The following SH3GL1 variants were observed in gnomAD, a reference collection of about 807,000 sequenced individuals.
SH3GL1 encodes SH3 domain containing GRB2 like 1, endophilin A2.
A neutral mutation model predicts 48.8 loss-of-function variants in SH3GL1; 21 were observed. That is an observed-to-expected ratio of 0.43 (90% CI 0.30 to 0.62). SH3GL1 has a LOEUF of 0.62. Among genes scored for constraint, SH3GL1 ranks in the 20% least tolerant of loss-of-function variants. The pLI is 0.11. For synonymous variants in SH3GL1, 282 were observed against 217.5 expected (o/e 1.30, Z -2.61); for missense variants, 454 against 503.0 (o/e 0.90, Z 0.93).
rs370849905 is a variant in SH3GL1, at chr19:4,361,507, C to T, written c.*93G>A. 313 of 1,020,844 alleles carry T rather than the reference C, an allele frequency of 3.1e-4. No individual in the cohort carries two copies. In the East Asian group the frequency reaches 6.0e-3, roughly 19 times the overall value. The allele number at this position is 1,020,844 out of a possible 1,614,324, so 63.2% of individuals were successfully genotyped here. On this transcript the variant is annotated 3_prime_UTR_variant, in exon 10 of 10. Transcript: ENST00000269886. ...AGGTGGCGCCGGCAGGCTCAGACAC[C>T]GCCCTGGCAGCAGGGGCTCCGTGGA...
At chr19:4,363,553 G>A in intron 6 of SH3GL1, 80 bp from the exon 7 acceptor site, 3 of 1,478,308 alleles carry the variant, frequency 2.0e-6, no homozygotes, top group South Asian at 1.1e-5. Context: ...TGAAGCCACA[G>A]GAGGCAAGGG....
intron 1 of SH3GL1, among the ~76,000 whole-genome samples, chr19:4,381,319 T>C (rs1420232582): frequency 9.6e-6 from 1 of 104,622 alleles, no homozygotes; most frequent in Non-Finnish European, 1.9e-5. Flanking sequence ...TGTCCCCCTA[T>C]GTCTCCCGTC....
chr19:4,362,284 C>T, intron 9 of SH3GL1, 45 bp downstream of exon 9: 1 of 1,586,296 alleles, frequency 6.3e-7, no homozygotes, highest in Non-Finnish European at 8.6e-7. Flanking sequence ...CCCCGAATGG[C>T]CGAGAAGGCA....
chr19:4,364,346 A>G lies in SH3GL1; in HGVS notation c.332-125T>C. 3 of 1,257,012 alleles carry G rather than the reference A, an allele frequency of 2.4e-6. No homozygotes were observed. The South Asian group carries it at 4.0e-5, about 17-fold the overall frequency. 77.9% of individuals were successfully genotyped at this position (1,257,012 alleles called of 1,614,324 possible). On this transcript the variant is annotated intron_variant, in intron 4 of 9. Coordinates refer to ENST00000269886, the MANE Select transcript of SH3GL1 (RefSeq NM_003025.4). ...GAACGCAGTGGCGCTGTACCAGCTC[A>G]CTGCAGGCCTCAAACTGGGCTCAAG...
chr19:4,369,349 T>C (rs1599597981), intron 1 of SH3GL1, among the ~76,000 whole-genome samples: 2 of 152,334 alleles, frequency 1.3e-5, no homozygotes, highest in Non-Finnish European at 1.5e-5. Context: ...GAGTGGCTGA[T>C]GTGAGACTGG....
At chr19:4,379,633 C>T (rs375846333) in intron 1 of SH3GL1, among the ~76,000 whole-genome samples, 28 of 152,196 alleles carry the variant, frequency 1.8e-4, no homozygotes, top group Middle Eastern at 3.4e-3. Flanking sequence ...CTTGGCACAG[C>T]TGCCCATCCT....
chr19:4,369,252 C>T (rs1972847243), intron 1 of SH3GL1, among the ~76,000 whole-genome samples: 1 of 152,158 alleles, frequency 6.6e-6, no homozygotes, highest in African/African-American at 2.4e-5. Context: ...TTGGGGCGTT[C>T]CACTCTATTT....
intron 1 of SH3GL1, among the ~76,000 whole-genome samples, chr19:4,371,893 C>T (rs2144880515): frequency 6.6e-6 from 1 of 152,380 alleles, no homozygotes; most frequent in Non-Finnish European, 1.5e-5. Flanking sequence ...CCACAGGGGC[C>T]TCGCCCAGTG....
intron 7 of SH3GL1, among the ~76,000 whole-genome samples, chr19:4,363,043 C>T (rs940944771): frequency 2.0e-5 from 3 of 152,180 alleles, no homozygotes; most frequent in African/African-American, 7.2e-5. Flanking sequence ...ACGGACGGCG[C>T]CCCACATACG....
chr19:4,386,501 C>CT (rs960946256), intron 1 of SH3GL1, among the ~76,000 whole-genome samples: 1,863 of 130,772 alleles, frequency 0.014, 21 homozygotes, highest in East Asian at 0.018. Flanking sequence ...TTCTTTTTCA[C>CT]TTTTTTTTTT....
intron 1 of SH3GL1, among the ~76,000 whole-genome samples, chr19:4,369,087 GA>G (rs928313337): frequency 3.6e-4 from 54 of 149,288 alleles, no homozygotes; most frequent in Admixed American, 2.3e-3. Flanking sequence ...AAAGAAGAAA[GA>G]AAAAAAAAAT....
rs375988096 is a variant in SH3GL1 at position 4,389,783 on chromosome 19, C to G, written c.45+10541G>C. On this transcript the variant is annotated intron_variant, in intron 1 of 9. Coordinates refer to ENST00000269886, the MANE Select transcript of SH3GL1 (RefSeq NM_003025.4). The surrounding 1 kb of genome is among the most constrained non-coding windows in gnomAD (Gnocchi z 4.5). Reference sequence around the variant, plus strand: ...GGGGATGCAGCAATGAGCACAAATGCCTGGCTCCGGCGGCAATGGGCTCAT... The same window carrying G: ...GGGGATGCAGCAATGAGCACAAATGGCTGGCTCCGGCGGCAATGGGCTCAT... 1.3e-5 allele frequency among the ~76,000 whole-genome samples: 2 copies of G among 152,198 alleles called. No homozygotes were observed. The highest frequency in any genetic ancestry group is 3.8e-4 in the East Asian group (2 of 5,198).
chr19:4,379,246 G>A (rs1599607812), intron 1 of SH3GL1, among the ~76,000 whole-genome samples: 1 of 151,908 alleles, frequency 6.6e-6, no homozygotes, highest in Non-Finnish European at 1.5e-5. Context: ...CTGAGATTGG[G>A]AGTTCAAGAC....
At chr19:4,381,554 C>A (rs1163041446) in intron 1 of SH3GL1, among the ~76,000 whole-genome samples, 1 of 84,984 alleles carries the variant, frequency 1.2e-5, no homozygotes, top group African/African-American at 4.8e-5. Flanking sequence ...CGTCTCTGTC[C>A]CCCTGCCTCT....
chr19:4,372,482 A>G (rs1294460901), intron 1 of SH3GL1, among the ~76,000 whole-genome samples: 3 of 152,228 alleles, frequency 2.0e-5, no homozygotes, highest in Non-Finnish European at 4.4e-5. Context: ...CCTCTGTGCA[A>G]AACAGCTGGA....
intron 1 of SH3GL1, chr19:4,390,331 A>T (rs1035805849): frequency 2.6e-5 from 4 of 152,494 alleles, no homozygotes; most frequent in African/African-American, 9.7e-5. Flanking sequence ...GTGCTCAGGA[A>T]AAGTGCTTGC....
chr19:4,396,796 G>A (rs921926618), intron 1 of SH3GL1, among the ~76,000 whole-genome samples: 1 of 152,176 alleles, frequency 6.6e-6, no homozygotes, highest in African/African-American at 2.4e-5. Context: ...CCTACTAGTA[G>A]CCAGCAGCAC....
At chr19:4,362,787 G>A (rs765071215) in intron 7 of SH3GL1, 51 bp from the exon 8 acceptor site, 7 of 1,610,896 alleles carry the variant, frequency 4.3e-6, no homozygotes, top group Admixed American at 1.7e-5. Context: ...GGCCGAGGCA[G>A]CCCCACTCTT....
intron 1 of SH3GL1, among the ~76,000 whole-genome samples, chr19:4,368,231 T>C (rs1972823808): frequency 6.6e-6 from 1 of 152,230 alleles, no homozygotes; most frequent in South Asian, 2.1e-4. Flanking sequence ...GGCCAAGGGA[T>C]GCCATGAGGG....
Sources: gnomAD v4.1 joint callset for allele counts (sites outside exome capture counted in the v4.1 genomes callset) on GRCh38, gnomAD v4.1.1 for gene constraint, Gnocchi (gnomAD v3.1) non-coding constraint, MANE v1.5 for transcripts, NCBI Gene and HGNC (gene_info 2026-07-23, HGNC 2026-07-21) for gene names.